EPM2A: variants seen among roughly 807,000 people sequenced by gnomAD.
EPM2A encodes laforin.
In EPM2A, 21 loss-of-function variants were observed where a neutral mutation model predicts 26.5. That is an observed-to-expected ratio of 0.79 (90% CI 0.56 to 1.14). The LOEUF (loss-of-function observed/expected upper bound fraction) is 1.14, where lower values mean the gene tolerates loss of function less well. EPM2A is among the 50% of genes most tolerant of loss of function. The pLI is 0.00. For missense variants in EPM2A, 458 were observed against 440.8 expected (o/e 1.04, Z -0.35); for synonymous variants, 217 against 177.6 (o/e 1.22, Z -1.76).
At chr6:145,404,664 T>C (rs1306180474) in intron 4 of EPM2A, among the ~76,000 whole-genome samples, 2 of 152,126 alleles carry the variant, frequency 1.3e-5, no homozygotes, top group Non-Finnish European at 2.9e-5. Flanking sequence ...CTTCATTATA[T>C]GGTAAAATAG....
At chr6:145,721,336 C>G (rs1353203616) in intron 1 of EPM2A, 1 of 152,196 alleles carries the variant, frequency 6.6e-6, no homozygotes, top group Non-Finnish European at 1.5e-5. Flanking sequence ...CACTACAGGC[C>G]TGAGCTATCT....
intron 2 of EPM2A, among the ~76,000 whole-genome samples, chr6:145,568,543 G>A (rs969019317): frequency 2.6e-5 from 4 of 151,998 alleles, no homozygotes; most frequent in Non-Finnish European, 5.9e-5. Context: ...GGCTGGTCTC[G>A]AACTCCCGAC....
intron 4 of EPM2A, among the ~76,000 whole-genome samples, chr6:145,422,988 T>C (rs1313031928): frequency 1.3e-5 from 2 of 152,134 alleles, no homozygotes; most frequent in Non-Finnish European, 2.9e-5. Flanking sequence ...GTCAATATAA[T>C]AAATGATCAT....
At chr6:145,707,611 A>G (rs1398286145) in intron 1 of EPM2A, among the ~76,000 whole-genome samples, 1 of 152,154 alleles carries the variant, frequency 6.6e-6, no homozygotes, top group Non-Finnish European at 1.5e-5. Flanking sequence ...ATACCCTTGT[A>G]CATGTTCTCT....
chr6:145,702,647 C>T (rs529859151), intron 1 of EPM2A, among the ~76,000 whole-genome samples: 1 of 152,286 alleles, frequency 6.6e-6, no homozygotes, highest in Admixed American at 6.5e-5. Flanking sequence ...CTAGTCTTTG[C>T]AAAACTGTAC....
chr6:145,446,377 C>CTGGTATAATATGCTATGTAGCAAA (rs1429861166), intron 4 of EPM2A, among the ~76,000 whole-genome samples: 4 of 152,108 alleles, frequency 2.6e-5, no homozygotes, highest in Non-Finnish European at 4.4e-5. Context: ...ATAACTAGAT[C>CTGGTATAATATGCTATGTAGCAAA]ATCAGTGGGC....
At chr6:145,678,951 G>A (rs1292098987) in intron 2 of EPM2A, among the ~76,000 whole-genome samples, 3 of 152,228 alleles carry the variant, frequency 2.0e-5, no homozygotes, top group Admixed American at 6.5e-5. Context: ...ACATGCACAC[G>A]TATATTTATT....
intron 1 of EPM2A, among the ~76,000 whole-genome samples, chr6:145,711,083 G>T (rs984071974): frequency 3.9e-5 from 6 of 152,184 alleles, no homozygotes; most frequent in African/African-American, 1.4e-4. Context: ...TAACAAACCT[G>T]CACGTTGTGC....
intron 2 of EPM2A, among the ~76,000 whole-genome samples, chr6:145,597,927 G>A (rs1464918065): frequency 1.3e-5 from 2 of 152,160 alleles, no homozygotes; most frequent in Non-Finnish European, 2.9e-5. Flanking sequence ...TGACTGCATA[G>A]TATTCCGTGG....
intron 4 of EPM2A, among the ~76,000 whole-genome samples, chr6:145,447,295 T>A (rs1456520327): frequency 6.6e-6 from 1 of 152,182 alleles, no homozygotes; most frequent in Non-Finnish European, 1.5e-5. Flanking sequence ...TCAATCAATA[T>A]ATTTTAAGTT....
At chr6:145,617,575 C>A (rs1031065348) in intron 2 of EPM2A, among the ~76,000 whole-genome samples, 4 of 152,250 alleles carry the variant, frequency 2.6e-5, no homozygotes, top group African/African-American at 9.6e-5. Flanking sequence ...TAAATTACCC[C>A]ATTCATTGAC....
chr6:145,723,480 A>G (rs1439580397), intron 1 of EPM2A, among the ~76,000 whole-genome samples: 1 of 152,156 alleles, frequency 6.6e-6, no homozygotes, highest in African/African-American at 2.4e-5. Context: ...GAAATAAGTT[A>G]AATAACAAAA....
downstream of EPM2A, among the ~76,000 whole-genome samples, chr6:145,623,747 G>A (rs761336131): frequency 6.6e-6 from 1 of 152,174 alleles, no homozygotes; most frequent in South Asian, 2.1e-4. Flanking sequence ...CAGAAACAGG[G>A]AGACCAAGTA....
At chr6:145,690,222 A>T (rs550413523) in intron 1 of EPM2A, among the ~76,000 whole-genome samples, 2 of 152,204 alleles carry the variant, frequency 1.3e-5, no homozygotes, top group Non-Finnish European at 2.9e-5. Context: ...CATAAGAGCT[A>T]ACCTCAGGCC....
At chr6:145,581,932 GC>G (rs1195333499) in intron 2 of EPM2A, among the ~76,000 whole-genome samples, 1 of 152,090 alleles carries the variant, frequency 6.6e-6, no homozygotes, top group Non-Finnish European at 1.5e-5. Flanking sequence ...GCTTAGGATT[GC>G]CTTGGCTATT....
At chr6:145,437,795 T>TATC (rs1452836425) in intron 4 of EPM2A, among the ~76,000 whole-genome samples, 1 of 152,222 alleles carries the variant, frequency 6.6e-6, no homozygotes, top group Non-Finnish European at 1.5e-5. Flanking sequence ...ATTTGTCAAG[T>TATC]ATCAGTTCAG....
At chr6:145,649,388 T>G (rs1317351850) in intron 2 of EPM2A, among the ~76,000 whole-genome samples, 13 of 152,276 alleles carry the variant, frequency 8.5e-5, no homozygotes, top group Admixed American at 8.5e-4. Context: ...AGAATGGTTC[T>G]GAGCGCTTAG....
chr6:145,429,106 T>A (rs1431358684), intron 4 of EPM2A, among the ~76,000 whole-genome samples: 1 of 152,198 alleles, frequency 6.6e-6, no homozygotes, highest in African/African-American at 2.4e-5. Flanking sequence ...ACATGAATAT[T>A]AATTTACTCT....
intron 4 of EPM2A, among the ~76,000 whole-genome samples, chr6:145,486,169 C>T (rs2114737290): frequency 6.6e-6 from 1 of 152,250 alleles, no homozygotes; most frequent in East Asian, 1.9e-4. Flanking sequence ...ATAGAACCTT[C>T]CAGAGGGGTT....
Sources: gnomAD v4.1 joint callset for allele counts (sites outside exome capture counted in the v4.1 genomes callset) on GRCh38, gnomAD v4.1.1 for gene constraint, MANE v1.5 for transcripts, NCBI Gene and HGNC (gene_info 2026-07-23, HGNC 2026-07-21) for gene names.